The following RALYL variants were observed in gnomAD, a reference collection of about 807,000 sequenced individuals.
RALYL encodes RALY RNA binding protein like, also known as RNA-binding Raly-like protein.
Under a neutral mutation model 35.1 loss-of-function variants are expected in RALYL, and 29 were observed. The ratio of observed to expected loss-of-function variants is 0.83; its 90% CI spans 0.61 to 1.13. The LOEUF (loss-of-function observed/expected upper bound fraction) is 1.13. Ranked by LOEUF, RALYL falls within the 50% of genes most tolerant of loss-of-function variation. The pLI is 0.00. For missense variants in RALYL, 359 were observed against 360.4 expected (o/e 1.00, Z 0.03); for synonymous variants, 120 against 127.6 (o/e 0.94, Z 0.40).
At chr8:84,570,345 G>A (rs182534476) in intron 2 of RALYL, among the ~76,000 whole-genome samples, 21 of 150,222 alleles carry the variant, frequency 1.4e-4, no homozygotes, top group Admixed American at 8.6e-4. Flanking sequence ...TCTAACTATT[G>A]TAAATGGGAT....
At chr8:84,691,207 T>A (rs546920862) in intron 2 of RALYL, among the ~76,000 whole-genome samples, 57 of 152,130 alleles carry the variant, frequency 3.7e-4, no homozygotes, top group Non-Finnish European at 6.0e-4. Context: ...TTATATGGGA[T>A]CTAGAAATGA....
intron 1 of RALYL, among the ~76,000 whole-genome samples, chr8:84,303,969 G>A (rs187670627): frequency 7.2e-5 from 11 of 151,746 alleles, no homozygotes; most frequent in Admixed American, 5.9e-4. Context: ...GACTTCTATT[G>A]ATAAAATATA....
At chr8:84,483,986 T>C (rs1399216520) in intron 1 of RALYL, among the ~76,000 whole-genome samples, 1 of 152,166 alleles carries the variant, frequency 6.6e-6, no homozygotes, top group Admixed American at 6.6e-5. Flanking sequence ...TAATGTTTCT[T>C]AAATTAAGAT....
intron 2 of RALYL, among the ~76,000 whole-genome samples, chr8:84,557,245 A>G (rs1385976498): frequency 6.6e-6 from 1 of 152,196 alleles, no homozygotes; most frequent in Admixed American, 6.5e-5. Flanking sequence ...TTGCTTAAGC[A>G]TTGTTTCCTC....
chr8:84,856,375 C>A (rs1836982644), intron 5 of RALYL, among the ~76,000 whole-genome samples: 1 of 152,166 alleles, frequency 6.6e-6, no homozygotes, highest in African/African-American at 2.4e-5. Flanking sequence ...TTACACAAAG[C>A]TGTATACAAA....
chr8:84,750,625 T>C lies in RALYL; in HGVS notation c.257-23954T>C, dbSNP rs191423098. 8.5e-4 allele frequency among the ~76,000 whole-genome samples: 129 copies of C among 152,314 alleles called. 1 individual carries two copies. Among genetic ancestry groups the C allele is most frequent in the African/African-American group, 2.7e-3 (113 of 41,566 alleles). On this transcript the variant is annotated intron_variant, in intron 2 of 8. Coordinates refer to ENST00000521268, the MANE Select transcript of RALYL (RefSeq NM_173848.7). ...TAAGATTATGAGGTTTGTGCTCTTA[T>C]GAATGGACTAATTTATTCGTAGATT...
chr8:84,388,686 T>G, intron 1 of RALYL, among the ~76,000 whole-genome samples: 1 of 151,408 alleles, frequency 6.6e-6, no homozygotes, highest in East Asian at 1.9e-4. Context: ...TTTGATGGGG[T>G]TGTTTGTTTT....
chr8:84,856,229 T>C (rs900447433), intron 5 of RALYL, among the ~76,000 whole-genome samples: 2 of 152,224 alleles, frequency 1.3e-5, no homozygotes, highest in Non-Finnish European at 2.9e-5. Flanking sequence ...ATAAGTCATC[T>C]CTTTTTTGTG....
At chr8:84,418,459 G>T (rs1444659272) in intron 1 of RALYL, among the ~76,000 whole-genome samples, 2 of 152,088 alleles carry the variant, frequency 1.3e-5, no homozygotes, top group Non-Finnish European at 2.9e-5. Flanking sequence ...TATTTGATTA[G>T]AATTAGTTTA....
chr8:84,283,007 A>T (rs2132107509), intron 1 of RALYL, among the ~76,000 whole-genome samples: 1 of 152,006 alleles, frequency 6.6e-6, no homozygotes, highest in African/African-American at 2.4e-5. Flanking sequence ...TATAGTAAAC[A>T]ATAATTAGAA....
intron 2 of RALYL, among the ~76,000 whole-genome samples, chr8:84,713,067 T>A (rs1011736081): frequency 6.6e-6 from 1 of 152,096 alleles, no homozygotes; most frequent in Admixed American, 6.6e-5. Flanking sequence ...TCTTCTATGT[T>A]TTCTTCTAGT....
rs112775786 is a variant in RALYL at position 84,621,337 on chromosome 8, C to T, written c.256+91760C>T. 2.7e-3 allele frequency among the ~76,000 whole-genome samples: 418 copies of T among 152,286 alleles called. 2 individuals are homozygous for T. Among genetic ancestry groups the T allele is most frequent in the Middle Eastern group, 0.024 (7 of 294 alleles). ...AAGCCCGTCGGAAAAGCGCAGTATT[C>T]GGGTGGGAGCCACCCAATTTTCCAG... On this transcript the variant is annotated intron_variant, in intron 2 of 8. Transcript: ENST00000521268.
At chr8:84,882,251 A>G (rs755535403) in intron 7 of RALYL, among the ~76,000 whole-genome samples, 7 of 152,010 alleles carry the variant, frequency 4.6e-5, no homozygotes, top group Non-Finnish European at 8.8e-5. Context: ...ATGGTCATCC[A>G]TCACTCTGAC....
intron 1 of RALYL, among the ~76,000 whole-genome samples, chr8:84,299,215 A>G (rs1357426799): frequency 6.6e-6 from 1 of 151,802 alleles, no homozygotes; most frequent in Admixed American, 6.6e-5. Flanking sequence ...TTCTGCATCT[A>G]TTAAGATGAC....
intron 2 of RALYL, among the ~76,000 whole-genome samples, chr8:84,578,895 C>T (rs554853021): frequency 2.6e-5 from 4 of 152,264 alleles, no homozygotes; most frequent in East Asian, 3.9e-4. Flanking sequence ...CATGGGCAGG[C>T]CCAGAAAAAG....
At chr8:84,552,212 G>A (rs2060772781) in intron 2 of RALYL, among the ~76,000 whole-genome samples, 1 of 150,696 alleles carries the variant, frequency 6.6e-6, no homozygotes, top group Non-Finnish European at 1.5e-5. Flanking sequence ...AGAACTGGGA[G>A]AACTGTGGTT....
chr8:84,258,329 G>T (rs1831573804), intron 1 of RALYL, among the ~76,000 whole-genome samples: 1 of 152,032 alleles, frequency 6.6e-6, no homozygotes, highest in African/African-American at 2.4e-5. Flanking sequence ...ATTTTGACTA[G>T]AATCAGTGTC....
chr8:84,206,128 G>T (rs553246262), intron 1 of RALYL, among the ~76,000 whole-genome samples: 24 of 152,278 alleles, frequency 1.6e-4, no homozygotes, highest in African/African-American at 5.5e-4. Context: ...AGTACTGAGG[G>T]TTAGGACTTC....
intron 1 of RALYL, among the ~76,000 whole-genome samples, chr8:84,274,081 A>G (rs1242802197): frequency 6.6e-6 from 1 of 152,168 alleles, no homozygotes; most frequent in East Asian, 1.9e-4. Flanking sequence ...TGATGCCCCC[A>G]AACTCTGGGG....
Sources: allele counts gnomAD v4.1 joint callset (sites outside exome capture counted in the v4.1 genomes callset), GRCh38; gene constraint gnomAD v4.1.1; transcripts MANE v1.5; gene names NCBI Gene and HGNC (gene_info 2026-07-23, HGNC 2026-07-21).